SMIM24: variants seen among roughly 807,000 people sequenced by gnomAD.
SMIM24 encodes small integral membrane protein 24.
In SMIM24, 6 loss-of-function variants were observed where a neutral mutation model predicts 10.8. That is an observed-to-expected ratio of 0.55 (90% CI 0.30 to 1.09). The LOEUF (loss-of-function observed/expected upper bound fraction) is 1.09. Ranked by LOEUF, SMIM24 falls within the 50% of genes least tolerant of loss-of-function variation. SMIM24 has a pLI of 0.06. For synonymous variants in SMIM24, 71 were observed against 62.4 expected, an observed-to-expected ratio of 1.14 and a Z score of -0.65; for missense variants, 151 against 153.4, an observed-to-expected ratio of 0.98 and a Z score of 0.08.
intron 1 of SMIM24, among the ~76,000 whole-genome samples, chr19:3,479,309 G>A (rs1053862973): frequency 4.7e-5 from 7 of 148,062 alleles, no homozygotes; most frequent in African/African-American, 1.0e-4. Flanking sequence ...TGACAAAGGA[G>A]TGGCTCAGGG....
intron 1 of SMIM24, 31 bp downstream of exon 1, chr19:3,480,366 G>A: frequency 8.2e-7 from 1 of 1,215,086 alleles, no homozygotes; most frequent in Non-Finnish European, 1.1e-6. Flanking sequence ...CCCCTATCCC[G>A]CGACGCCCCC....
chr19:3,479,952 C>G (rs1198581274), intron 1 of SMIM24, among the ~76,000 whole-genome samples: 12 of 113,118 alleles, frequency 1.1e-4, no homozygotes, highest in African/African-American at 4.3e-4. Flanking sequence ...GGCAGAGGCT[C>G]AGGGGGAGGG....
intron 3 of SMIM24, among the ~76,000 whole-genome samples, chr19:3,477,965 T>C (rs2122021785): frequency 6.6e-6 from 1 of 152,012 alleles, no homozygotes; most frequent in Admixed American, 6.5e-5. Flanking sequence ...AGGCACTGAG[T>C]CCAGGTGGGT....
intron 1 of SMIM24, 38 bp downstream of exon 1, chr19:3,480,359 C>CCA: frequency 1.0e-5 from 15 of 1,457,672 alleles, no homozygotes; most frequent in Middle Eastern, 1.8e-4. Context: ...ACCAACTCCC[C>CCA]TATCCCGCGA....
intron 3 of SMIM24, among the ~76,000 whole-genome samples, chr19:3,476,854 TGATG>T (rs111284772): frequency 0.016 from 1,832 of 111,964 alleles, 39 homozygotes; most frequent in African/African-American, 0.052. Flanking sequence ...GATGGATAGG[TGATG>T]GATGGATGGA....
In SMIM24 at chr19:3,475,005, A is replaced by T; in HGVS notation, c.240-9T>A. On this transcript the variant is annotated splice_polypyrimidine_tract_variant and intron_variant, in intron 3 of 3. Coordinates refer to ENST00000215531, the MANE Select transcript of SMIM24 (RefSeq NM_001136503.2). Reference sequence around the variant, plus strand: ...TCTCTCTCTTGTCTTCACTGTAGGGATACAAAGGCCCCAAACCATAATAAG... The same window carrying T: ...TCTCTCTCTTGTCTTCACTGTAGGGTTACAAAGGCCCCAAACCATAATAAG... The T allele has an allele frequency of 1.3e-6, 2 of 1,550,400 alleles. No homozygotes were observed. Among genetic ancestry groups the T allele is most frequent in the African/African-American group, 1.4e-5 (1 of 72,920 alleles).
intron 2 of SMIM24, 127 bp from the exon 3 acceptor site, chr19:3,478,605 C>T: frequency 1.0e-6 from 1 of 999,848 alleles, no homozygotes; most frequent in Non-Finnish European, 1.4e-6. Flanking sequence ...AACCCCAGGA[C>T]GCAAGGAAGG....
Position 3,474,698 on chromosome 19 carries a change from T to G in SMIM24, c.*145A>C. 2 of 1,024,394 alleles carry G rather than the reference T, an allele frequency of 2.0e-6. No individual in the cohort carries two copies. Among genetic ancestry groups the G allele is most frequent in the Non-Finnish European group, 2.7e-6 (2 of 735,226 alleles). The allele number at this position is 1,024,394 out of a possible 1,614,324, so 63.5% of individuals were successfully genotyped here. A position where few individuals can be genotyped will look rare whatever the true frequency, so the allele number is the denominator to read the frequency against. Reference sequence around the variant, plus strand: ...AGAGCCCCCAATGAGGGAGGTGGGGTGGGTTCCAAGCCTTCTTCACTTGAG... The same window carrying G: ...AGAGCCCCCAATGAGGGAGGTGGGGGGGGTTCCAAGCCTTCTTCACTTGAG... On this transcript the variant is annotated 3_prime_UTR_variant, in exon 4 of 4. Transcript: ENST00000215531.
Position 3,474,941 on chromosome 19 carries a change from C to G in SMIM24, c.295G>C (p.Glu99Gln). 1.3e-6 allele frequency: 2 copies of G among 1,551,606 alleles called. No homozygotes were observed. The highest frequency in any genetic ancestry group is 1.7e-4 in the Middle Eastern group (1 of 5,994). ...AKEKEEKRKK[E>Q]KKTAKEGESN... ...TCTCCTTCCTTTGCTGTCTTTTTCT[C>G]CTTCTTCCTCTTCTCTTCTTTCTCC... The change falls in exon 4 of 4, where the codon GAG becomes CAG. Residue 99 changes from glutamate (E) to glutamine (Q), a missense_variant. By Grantham distance (29) the Glu-to-Gln change is conservative. Coordinates refer to ENST00000215531, the MANE Select transcript of SMIM24 (RefSeq NM_001136503.2).
chr19:3,478,964 G>C, intron 1 of SMIM24, 35 bp from the exon 2 acceptor site: 1 of 1,509,654 alleles, frequency 6.6e-7, no homozygotes, highest in Non-Finnish European at 9.0e-7. Context: ...CTCAGAGGAA[G>C]AAAAGGTCAG....
chr19:3,479,696 G>A (rs1033853086), intron 1 of SMIM24, among the ~76,000 whole-genome samples: 6 of 141,766 alleles, frequency 4.2e-5, no homozygotes, highest in Non-Finnish European at 6.1e-5. Context: ...AGGCTCAGAT[G>A]GGGAGGGGCT....
At chr19:3,480,017 CG>C (rs2082811374) in intron 1 of SMIM24, among the ~76,000 whole-genome samples, 2 of 122,368 alleles carry the variant, frequency 1.6e-5, no homozygotes, top group Admixed American at 8.8e-5. Context: ...AGGAGGGGCT[CG>C]GGGAGGGGTT....
At chr19:3,476,297 T>C (rs2082791880) in intron 3 of SMIM24, among the ~76,000 whole-genome samples, 1 of 151,732 alleles carries the variant, frequency 6.6e-6, no homozygotes, top group Admixed American at 6.6e-5. Flanking sequence ...GACTGATGGA[T>C]GGACAGTTGG....
rs759552464 is a variant in SMIM24 at position 3,480,350 on chromosome 19, C to T, written c.67+47G>A. 4.9e-6 allele frequency: 7 copies of T among 1,432,416 alleles called. No homozygotes were observed. In the East Asian group the frequency reaches 1.8e-4, roughly 36 times the overall value. The allele number at this position is 1,432,416 out of a possible 1,614,324, so 88.7% of individuals were successfully genotyped here. A position where few individuals can be genotyped will look rare whatever the true frequency, so the allele number is the denominator to read the frequency against. On this transcript the variant is annotated intron_variant, in intron 1 of 3. Transcript: ENST00000215531. The stretch of plus-strand genomic sequence containing the variant: ...AAATTGGGAGATGGTGATCACCTGA[C>T]CAACTCCCCTATCCCGCGACGCCCC...
In SMIM24 at chr19:3,480,482, C is replaced by A. The variant is rs1387526436; in HGVS notation, c.-19G>T. 18 of 1,548,050 alleles carry A rather than the reference C, an allele frequency of 1.2e-5. No individual in the cohort carries two copies. Among genetic ancestry groups the A allele is most frequent in the Non-Finnish European group, 1.6e-5 (18 of 1,145,874 alleles). On this transcript the variant is annotated 5_prime_UTR_variant, in exon 1 of 4. Transcript: ENST00000215531. ...TCTCCATGACGGTCGAGTGAGCCAG[C>A]AGCCAGCCAGCGGCGGTCCCGGGTC...
intron 3 of SMIM24, among the ~76,000 whole-genome samples, chr19:3,475,399 G>C (rs1286701698): frequency 6.6e-6 from 1 of 152,154 alleles, no homozygotes; most frequent in African/African-American, 2.4e-5. Flanking sequence ...GGTGTGTAAA[G>C]AAGTTAGGGA....
At chr19:3,478,169 G>C (rs948263638) in intron 3 of SMIM24, among the ~76,000 whole-genome samples, 3 of 152,184 alleles carry the variant, frequency 2.0e-5, no homozygotes, top group African/African-American at 7.2e-5. Flanking sequence ...AACTAAGACA[G>C]CTCCACTGGT....
Position 3,474,852 on chromosome 19 carries a change from T to A in SMIM24, c.384A>T (p.Thr128=). 1 of 1,551,484 alleles carries A rather than the reference T, an allele frequency of 6.4e-7. No homozygotes were observed. ...AGGCAGCCAGGAATCTTCACATGAC[T>A]GTGCTCTTTGCTCTCTCATGGTCTC... ...EPGDHERAKS[T]VM The change falls in exon 4 of 4, where the codon ACA becomes ACT. Residue 128 remains threonine, a synonymous_variant. Transcript: ENST00000215531.
intron 3 of SMIM24, among the ~76,000 whole-genome samples, chr19:3,477,242 GA>G (rs1185430505): frequency 7.0e-6 from 1 of 141,884 alleles, no homozygotes; most frequent in Non-Finnish European, 1.5e-5. Context: ...ACGGGTTGGT[GA>G]ATGGATGGGT....
Sources: gnomAD v4.1 joint callset for allele counts (sites outside exome capture counted in the v4.1 genomes callset) on GRCh38, gnomAD v4.1.1 for gene constraint, MANE v1.5 for transcripts, NCBI Gene and HGNC (gene_info 2026-07-23, HGNC 2026-07-21) for gene names.